The following WDPCP variants were observed in gnomAD, a reference collection of about 807,000 sequenced individuals.
WDPCP encodes WD repeat-containing and planar cell polarity effector protein fritz homolog.
WDPCP carries 71 observed loss-of-function variants against 93.1 expected under a neutral mutation model. That is an observed-to-expected ratio of 0.76 (90% CI 0.63 to 0.93). WDPCP has a LOEUF of 0.93. Ranked by LOEUF, WDPCP falls within the 40% of genes least tolerant of loss-of-function variation. WDPCP has a pLI of 0.00. For missense variants in WDPCP, 844 were observed against 887.4 expected (o/e 0.95, Z 0.62); for synonymous variants, 315 against 315.0 (o/e 1.00, Z 0.00).
At chr2:63,621,720 T>C (rs1036122072) in intron 3 of WDPCP, among the ~76,000 whole-genome samples, 1 of 151,918 alleles carries the variant, frequency 6.6e-6, no homozygotes, top group African/African-American at 2.4e-5. Context: ...AGACACATAA[T>C]CATCAGATTC....
chr2:63,668,696 C>T (rs146062820), intron 2 of WDPCP, among the ~76,000 whole-genome samples: 9 of 152,210 alleles, frequency 5.9e-5, no homozygotes, highest in East Asian at 3.9e-4. Context: ...TCCCTGCCCC[C>T]GCTTTCCAGG....
rs549966020 is a variant in WDPCP at position 63,439,747 on chromosome 2, G to A, written c.499+10C>T. The A allele has an allele frequency of 1.9e-6, 3 of 1,608,696 alleles. No individual in the cohort carries two copies. The African/African-American group carries it at 4.0e-5, about 21-fold the overall frequency. ...ATGTAGGCAATTGATTTGCACATGG[G>A]GGTAATTACCATCACTGATGGTGTC... On this transcript the variant is annotated intron_variant, in intron 7 of 17. Coordinates refer to ENST00000272321, the MANE Select transcript of WDPCP (RefSeq NM_015910.7).
At position 63,684,016 on chromosome 2, in the gene WDPCP, T is replaced by C. The variant is rs1015215057; in HGVS notation, n.309-33178A>G. ...AAGAGAGAGATTAACCCTAATACAA[T>C]GATAGCCGGAGACTTCAACACACCA... On this transcript the variant is annotated intron_variant and non_coding_transcript_variant, in intron 2 of 4. Coordinates refer to the WDPCP transcript ENST00000467687. Among the ~76,000 whole-genome samples, 3 of 152,258 alleles carry C rather than the reference T, an allele frequency of 2.0e-5. No homozygotes were observed. In the South Asian group the frequency reaches 6.2e-4, roughly 32 times the overall value.
At chr2:63,779,335 C>T (rs1316969861) in intron 2 of WDPCP, among the ~76,000 whole-genome samples, 4 of 152,114 alleles carry the variant, frequency 2.6e-5, no homozygotes, top group Non-Finnish European at 4.4e-5. Context: ...TTGCTATGGC[C>T]TCCAAACATA....
intron 2 of WDPCP, among the ~76,000 whole-genome samples, chr2:63,771,256 A>C (rs115745710): frequency 1.8e-3 from 277 of 151,976 alleles, no homozygotes; most frequent in Non-Finnish European, 3.3e-3. Flanking sequence ...AAATAATAAA[A>C]TATTATAAAC....
chr2:63,284,588 C>G (rs1683841570), intron 13 of WDPCP, among the ~76,000 whole-genome samples: 1 of 152,146 alleles, frequency 6.6e-6, no homozygotes, highest in Admixed American at 6.5e-5. Flanking sequence ...AACTTGAACA[C>G]AAGCACTGTA....
intron 14 of WDPCP, among the ~76,000 whole-genome samples, chr2:63,200,569 C>T (rs1675824551): frequency 6.6e-6 from 1 of 152,118 alleles, no homozygotes; most frequent in Non-Finnish European, 1.5e-5. Context: ...TGAAATAAGC[C>T]AGGCACAGAA....
At chr2:63,454,462 C>A (rs767423948) in intron 6 of WDPCP, among the ~76,000 whole-genome samples, 28 of 151,450 alleles carry the variant, frequency 1.8e-4, no homozygotes, top group Non-Finnish European at 3.2e-4. Context: ...TGTAACAAAC[C>A]TACATGTTGT....
chr2:63,586,016 G>C (rs1029298703), intron 1 of WDPCP, among the ~76,000 whole-genome samples: 19 of 151,904 alleles, frequency 1.3e-4, no homozygotes, highest in Admixed American at 7.2e-4. Context: ...TTTTTGTAGA[G>C]ACAAGGTCTC....
chr2:63,193,296 A>ATAGT (rs1675181454), intron 14 of WDPCP, among the ~76,000 whole-genome samples: 1 of 152,178 alleles, frequency 6.6e-6, no homozygotes, highest in Non-Finnish European at 1.5e-5. Context: ...TCTTTAGAAG[A>ATAGT]TAGTTACATA....
At chr2:63,570,900 A>T (rs762241946) in intron 1 of WDPCP, among the ~76,000 whole-genome samples, 1 of 151,696 alleles carries the variant, frequency 6.6e-6, no homozygotes, top group Non-Finnish European at 1.5e-5. Flanking sequence ...AACTTTGGGT[A>T]AATTTTTTTT....
At chr2:63,125,448 G>A (rs1669829004) in intron 17 of WDPCP, among the ~76,000 whole-genome samples, 1 of 152,152 alleles carries the variant, frequency 6.6e-6, no homozygotes, top group African/African-American at 2.4e-5. Context: ...TCTAAGACAT[G>A]TTTAGTTTGT....
chr2:63,429,976 TACACACACACACAC>T lies in WDPCP; in HGVS notation c.825+3755_825+3768del, dbSNP rs199517613. On this transcript the variant is annotated intron_variant, in intron 9 of 17. Coordinates refer to ENST00000272321, the MANE Select transcript of WDPCP (RefSeq NM_015910.7). Reference sequence around the variant, plus strand: ...GGTGGACTGGATAAAGAAAATGTTATACACACACACACACACACACACACACACACACACACACA... The same window carrying T: ...GGTGGACTGGATAAAGAAAATGTTATACACACACACACACACACACACACA... Among the ~76,000 whole-genome samples the T allele has an allele frequency of 1.8e-3, 245 of 137,456 alleles. 1 individual carries two copies. Among genetic ancestry groups the T allele is most frequent in the Middle Eastern group, 3.6e-3 (1 of 276 alleles). 90.2% of individuals were successfully genotyped at this position (137,456 alleles called of 152,430 possible). A position where few individuals can be genotyped will look rare whatever the true frequency, so the allele number is the denominator to read the frequency against.
intron 14 of WDPCP, among the ~76,000 whole-genome samples, chr2:63,194,788 T>C (rs776002745): frequency 6.6e-6 from 1 of 152,122 alleles, no homozygotes; most frequent in East Asian, 1.9e-4. Flanking sequence ...AAGTAGATAT[T>C]TGAACCAGTT....
intron 1 of WDPCP, among the ~76,000 whole-genome samples, chr2:63,818,869 C>A (rs1318605235): frequency 6.6e-6 from 1 of 152,108 alleles, no homozygotes; most frequent in Admixed American, 6.6e-5. Context: ...CATATATGAG[C>A]TTCTGGGGCT....
intron 8 of WDPCP, among the ~76,000 whole-genome samples, 160 bp from the exon 9 acceptor site, chr2:63,434,096 T>C (rs987964608): frequency 3.3e-5 from 5 of 152,350 alleles, no homozygotes; most frequent in African/African-American, 1.2e-4. Context: ...CAAATTCTTC[T>C]GACACATATA....
At chr2:63,239,574 C>T (rs924078718) in intron 14 of WDPCP, among the ~76,000 whole-genome samples, 1 of 152,042 alleles carries the variant, frequency 6.6e-6, no homozygotes, top group African/African-American at 2.4e-5. Context: ...AGGAAGATTA[C>T]CTTCAGAATT....
At chr2:63,542,894 C>A (rs532444861) in intron 1 of WDPCP, among the ~76,000 whole-genome samples, 1 of 152,008 alleles carries the variant, frequency 6.6e-6, no homozygotes, top group East Asian at 1.9e-4. Context: ...AGTAAAAAAT[C>A]TAATTATTCT....
At chr2:63,632,614 A>G (rs77318103) in intron 3 of WDPCP, among the ~76,000 whole-genome samples, 3,192 of 152,340 alleles carry the variant, frequency 0.021, 44 homozygotes, top group East Asian at 0.089. Flanking sequence ...GCAGACTTGA[A>G]CAAGTGGAGG....
Sources: gnomAD v4.1 joint callset for allele counts (sites outside exome capture counted in the v4.1 genomes callset) on GRCh38, gnomAD v4.1.1 for gene constraint, MANE v1.5 for transcripts, NCBI Gene and HGNC (gene_info 2026-07-23, HGNC 2026-07-21) for gene names.